Variants in DIAPH3 observed in about 807,000 individuals in gnomAD.
The protein encoded by DIAPH3 is diaphanous related formin 3, also known as protein diaphanous homolog 3.
A neutral mutation model predicts 144.3 loss-of-function variants in DIAPH3; 117 were observed. The ratio of observed to expected loss-of-function variants is 0.81; its 90% confidence interval spans 0.70 to 0.95. The LOEUF (loss-of-function observed/expected upper bound fraction) is 0.95. Ranked by LOEUF, DIAPH3 falls within the 40% of genes least tolerant of loss-of-function variation. The pLI is 0.00. For missense variants in DIAPH3, 1,421 were observed against 1,412.7 expected, an observed-to-expected ratio of 1.01 and a Z score of -0.09; for synonymous variants, 519 against 488.9, an observed-to-expected ratio of 1.06 and a Z score of -0.81.
chr13:60,030,635 A>G (rs2054718612), intron 5 of DIAPH3, among the ~76,000 whole-genome samples: 1 of 152,148 alleles, frequency 6.6e-6, no homozygotes, highest in South Asian at 2.1e-4. Flanking sequence ...CTCCTCAGAA[A>G]TTCATAGCAC....
intron 3 of DIAPH3, among the ~76,000 whole-genome samples, chr13:60,108,475 G>A (rs867960185): frequency 6.6e-6 from 1 of 152,062 alleles, no homozygotes; most frequent in Non-Finnish European, 1.5e-5. Flanking sequence ...TGGCATGGTG[G>A]TATGTGCCTG....
At position 59,998,760 on chromosome 13, in the gene DIAPH3, T is replaced by G. The variant is rs377538345; in HGVS notation, c.1015-6177A>C. 7.9e-5 allele frequency among the ~76,000 whole-genome samples: 12 copies of G among 152,250 alleles called. 1 individual carries two copies. The East Asian group carries it at 2.3e-3, about 29-fold the overall frequency. On this transcript the variant is annotated intron_variant, in intron 9 of 27. Transcript: ENST00000400324. ...TAATATGGTTGATGTTTTAATTGAT[T>G]GGTACTTATATATCAACCCTATTCA... is the stretch of plus-strand genomic sequence containing the variant.
chr13:59,880,618 A>G (rs1345548429), intron 20 of DIAPH3, among the ~76,000 whole-genome samples: 1 of 152,146 alleles, frequency 6.6e-6, no homozygotes, highest in East Asian at 1.9e-4. Flanking sequence ...AAGGCTTATA[A>G]GACTCCAATA....
chr13:59,952,098 C>G (rs904833027), intron 17 of DIAPH3, among the ~76,000 whole-genome samples: 1 of 152,146 alleles, frequency 6.6e-6, no homozygotes, highest in Non-Finnish European at 1.5e-5. Context: ...AGCACTGACA[C>G]ATGCTACAAT....
At chr13:59,680,145 A>G (rs181760974) in intron 27 of DIAPH3, among the ~76,000 whole-genome samples, 3 of 152,336 alleles carry the variant, frequency 2.0e-5, no homozygotes, top group Admixed American at 6.5e-5. Context: ...AATGCTGTCA[A>G]TTTAAACCCC....
intron 27 of DIAPH3, among the ~76,000 whole-genome samples, chr13:59,704,626 A>G (rs1259887255): frequency 6.6e-6 from 1 of 152,138 alleles, no homozygotes; most frequent in Admixed American, 6.5e-5. Context: ...TACCTTTTTT[A>G]TGTGTAGATA....
chr13:60,042,515 T>C (rs1462495890), intron 5 of DIAPH3, among the ~76,000 whole-genome samples, 175 bp downstream of exon 5: 1 of 150,636 alleles, frequency 6.6e-6, no homozygotes, highest in Non-Finnish European at 1.5e-5. Flanking sequence ...TACCACTCAG[T>C]AATAAATGCA....
At chr13:60,051,719 T>C (rs899631081) in intron 4 of DIAPH3, among the ~76,000 whole-genome samples, 11 of 152,108 alleles carry the variant, frequency 7.2e-5, no homozygotes, top group Non-Finnish European at 1.6e-4. Context: ...GGAAAGTTTA[T>C]CACTGTAAAA....
chr13:59,831,097 G>T (rs2041751628), intron 24 of DIAPH3, among the ~76,000 whole-genome samples: 1 of 151,802 alleles, frequency 6.6e-6, no homozygotes, highest in Non-Finnish European at 1.5e-5. Context: ...CTGTGCCTCA[G>T]CTTCTTTATC....
Position 60,107,239 on chromosome 13 carries a change from G to A in DIAPH3, c.390+4771C>T, listed in dbSNP as rs141191366. Among the ~76,000 whole-genome samples, 328 of 151,634 alleles carry A rather than the reference G, an allele frequency of 2.2e-3. 3 individuals carry two copies. Among genetic ancestry groups the A allele is most frequent in the African/African-American group, 7.5e-3 (308 of 41,322 alleles). On this transcript the variant is annotated intron_variant, in intron 3 of 27. Transcript: ENST00000400324. The stretch of plus-strand genomic sequence containing the variant: ...CTCAGAAGAAAAAAGGTTTTGTTCC[G>A]TATAACTGTATTCTTATACAGACAG...
chr13:59,768,858 A>G (rs2037982624), intron 27 of DIAPH3, among the ~76,000 whole-genome samples: 1 of 152,190 alleles, frequency 6.6e-6, no homozygotes, highest in Non-Finnish European at 1.5e-5. Context: ...TAAAGATAAT[A>G]TAGCAAGATT....
chr13:59,861,364 C>A (rs1486481688), intron 22 of DIAPH3, 43 bp downstream of exon 22: 1 of 1,613,104 alleles, frequency 6.2e-7, no homozygotes, highest in Non-Finnish European at 8.5e-7. Context: ...TCTTTTAGCA[C>A]TGAAGATCAG....
At chr13:59,980,401 C>T (rs553423091) in intron 14 of DIAPH3, among the ~76,000 whole-genome samples, 1 of 151,528 alleles carries the variant, frequency 6.6e-6, no homozygotes, top group South Asian at 2.1e-4. Flanking sequence ...CTCCATCATC[C>T]ACTCATTCAA....
chr13:60,110,900 A>G (rs1244059392), intron 3 of DIAPH3, among the ~76,000 whole-genome samples: 2 of 152,228 alleles, frequency 1.3e-5, no homozygotes, highest in African/African-American at 4.8e-5. Context: ...CGAGTAACAG[A>G]AAACTAACAT....
intron 21 of DIAPH3, among the ~76,000 whole-genome samples, chr13:59,875,121 AC>A (rs1385263960): frequency 2.0e-5 from 3 of 152,058 alleles, no homozygotes; most frequent in Admixed American, 6.5e-5. Context: ...CCAGATACAA[AC>A]TTTTCTAGGT....
chr13:60,138,761 G>A (rs2059352700), intron 1 of DIAPH3, among the ~76,000 whole-genome samples: 1 of 19,234 alleles, frequency 5.2e-5, no homozygotes, highest in South Asian at 1.8e-3. Context: ...GAAGGAAGGA[G>A]AAGGAGAAGG....
At chr13:59,928,376 T>C (rs768664470) in intron 17 of DIAPH3, among the ~76,000 whole-genome samples, 4 of 152,182 alleles carry the variant, frequency 2.6e-5, no homozygotes, top group Admixed American at 6.5e-5. Context: ...TCAGGTCTTT[T>C]ATAAATTTCT....
intron 25 of DIAPH3, among the ~76,000 whole-genome samples, chr13:59,802,893 C>A (rs2040012750): frequency 6.7e-6 from 1 of 150,084 alleles, no homozygotes; most frequent in African/African-American, 2.4e-5. Flanking sequence ...ACCTTGTTAG[C>A]CAGGATGGTC....
At chr13:59,875,683 T>C (rs1201894583) in intron 21 of DIAPH3, among the ~76,000 whole-genome samples, 2 of 152,216 alleles carry the variant, frequency 1.3e-5, no homozygotes, top group Non-Finnish European at 2.9e-5. Context: ...CACATCACTT[T>C]GACCACCAAA....
Sources: gnomAD v4.1 joint callset for allele counts (sites outside exome capture counted in the v4.1 genomes callset) on GRCh38, gnomAD v4.1.1 for gene constraint, MANE v1.5 for transcripts, NCBI Gene and HGNC (gene_info 2026-07-23, HGNC 2026-07-21) for gene names.